Variants in TGFB2 observed in about 807,000 individuals in gnomAD.
TGFB2 encodes the protein transforming growth factor beta-2 proprotein.
TGFB2 carries 13 observed loss-of-function variants against 42.7 expected under a neutral mutation model. That is an observed-to-expected ratio of 0.30 (90% CI 0.20 to 0.48). TGFB2 has a LOEUF of 0.48. Ranked by LOEUF, TGFB2 falls within the 20% of genes least tolerant of loss-of-function variation. TGFB2 has a pLI of 0.99. For missense variants in TGFB2, 390 were observed against 517.5 expected (o/e 0.75, Z 2.39); for synonymous variants, 193 against 193.6 (o/e 1.00, Z 0.03).
intron 2 of TGFB2, among the ~76,000 whole-genome samples, chr1:218,425,335 G>C (rs968722405): frequency 6.6e-6 from 1 of 152,030 alleles, no homozygotes; most frequent in East Asian, 1.9e-4. Context: ...AGCCTCCCGA[G>C]TAGCTGGGAT....
chr1:218,373,750 A>C (rs1281786505), intron 1 of TGFB2, among the ~76,000 whole-genome samples: 1 of 152,206 alleles, frequency 6.6e-6, no homozygotes. Context: ...GAGAAGTCTA[A>C]AAAGGAGAAT....
chr1:218,390,798 C>A (rs542832739), intron 1 of TGFB2, among the ~76,000 whole-genome samples: 1 of 152,292 alleles, frequency 6.6e-6, no homozygotes, highest in Admixed American at 6.5e-5. Flanking sequence ...TGCCACAGTT[C>A]ATCTGGATTC....
At chr1:218,435,687 G>T (rs1659947359) in intron 4 of TGFB2, among the ~76,000 whole-genome samples, 1 of 152,170 alleles carries the variant, frequency 6.6e-6, no homozygotes. Flanking sequence ...TTGGACTATA[G>T]GTCAAAGACT....
intron 1 of TGFB2, among the ~76,000 whole-genome samples, chr1:218,392,222 G>A (rs547062098): frequency 9.9e-5 from 15 of 152,272 alleles, no homozygotes; most frequent in African/African-American, 1.9e-4. Flanking sequence ...GTATGGTGGC[G>A]GGTGCCTGCA....
intron 2 of TGFB2, among the ~76,000 whole-genome samples, chr1:218,406,649 C>G (rs148243244): frequency 7.2e-5 from 11 of 152,118 alleles, no homozygotes; most frequent in South Asian, 2.1e-4. Context: ...TTTGATGAGG[C>G]CTTGAGACGT....
At chr1:218,399,997 G>A (rs754888755) in intron 1 of TGFB2, among the ~76,000 whole-genome samples, 1 of 152,092 alleles carries the variant, frequency 6.6e-6, no homozygotes, top group Non-Finnish European at 1.5e-5. Flanking sequence ...TTATATAGAT[G>A]AAGAAACAGG....
chr1:218,435,029 G>T (rs1053827701), intron 4 of TGFB2, among the ~76,000 whole-genome samples: 1 of 152,106 alleles, frequency 6.6e-6, no homozygotes, highest in Non-Finnish European at 1.5e-5. Flanking sequence ...AAGTAAGTTG[G>T]ACAAAAGTCA....
At chr1:218,380,706 A>T (rs956254623) in intron 1 of TGFB2, among the ~76,000 whole-genome samples, 2 of 152,098 alleles carry the variant, frequency 1.3e-5, no homozygotes, top group African/African-American at 4.8e-5. Context: ...AAGAGCAGAG[A>T]TGAATAGAGT....
chr1:218,437,501 G>A lies in TGFB2; in HGVS notation c.1086+5G>A. 6.2e-7 allele frequency: 1 copy of A among 1,606,490 alleles called. No individual in the cohort carries two copies. On this transcript the variant is annotated splice_donor_5th_base_variant and intron_variant, in intron 6 of 6. Coordinates refer to ENST00000366930, the MANE Select transcript of TGFB2 (RefSeq NM_003238.6). ...TCAGACACTCAGCACAGCAGGGTGA[G>A]TGTTCAGCTTACCTGTTGCCTCTGT...
chr1:218,440,064 G>A (rs1660102757), intron 6 of TGFB2, among the ~76,000 whole-genome samples: 1 of 152,124 alleles, frequency 6.6e-6, no homozygotes, highest in Non-Finnish European at 1.5e-5. Context: ...ATTAGTAAAA[G>A]TCTCACACCC....
At chr1:218,372,138 CG>C (rs1453760806) in intron 1 of TGFB2, among the ~76,000 whole-genome samples, 1 of 151,920 alleles carries the variant, frequency 6.6e-6, no homozygotes, top group Non-Finnish European at 1.5e-5. Flanking sequence ...AGCCTGCTCT[CG>C]GGGTCAGTGG....
intron 1 of TGFB2, among the ~76,000 whole-genome samples, chr1:218,378,148 G>GATTTATTT (rs80153970): frequency 1.9e-4 from 28 of 148,390 alleles, no homozygotes; most frequent in African/African-American, 3.5e-4. Context: ...GCTAATTTTG[G>GATTTATTT]ATTTATTTAT....
chr1:218,354,348 A>G (rs1656964226), intron 1 of TGFB2, among the ~76,000 whole-genome samples: 1 of 152,224 alleles, frequency 6.6e-6, no homozygotes, highest in Non-Finnish European at 1.5e-5. Context: ...GCTAAAGAGC[A>G]CAGGGATTCT....
rs1294019988 is a variant in TGFB2, at chr1:218,443,733, GT to G, written c.*2373del. 2 of 147,650 alleles carry G rather than the reference GT, an allele frequency of 1.4e-5. No homozygotes were observed. The highest frequency in any genetic ancestry group is 1.4e-4 in the Admixed American group (2 of 14,796). 9.1% of individuals were successfully genotyped at this position (147,650 alleles called of 1,614,324 possible). A position where few individuals can be genotyped will look rare whatever the true frequency, so the allele number is the denominator to read the frequency against. Reference sequence around the variant, plus strand: ...TGTTTTTTTTTTTTTTAATTTGGGGGTTCTGTAAGGTCTTTATTTCCCATAA... The same window carrying G: ...TGTTTTTTTTTTTTTTAATTTGGGGGTCTGTAAGGTCTTTATTTCCCATAA... On this transcript the variant is annotated 3_prime_UTR_variant, in exon 7 of 7. Transcript: ENST00000366930.
intron 1 of TGFB2, among the ~76,000 whole-genome samples, chr1:218,388,805 A>G (rs923027695): frequency 1.3e-5 from 2 of 152,226 alleles, no homozygotes; most frequent in African/African-American, 4.8e-5. Flanking sequence ...ATGAAGAGAA[A>G]AATCGCTCTT....
chr1:218,440,965 A>G (rs755585811), intron 6 of TGFB2, among the ~76,000 whole-genome samples: 1 of 152,202 alleles, frequency 6.6e-6, no homozygotes, highest in Non-Finnish European at 1.5e-5. Context: ...TCTGACTCTT[A>G]CAGAATCATT....
rs553432793 is a variant in TGFB2 at position 218,444,514 on chromosome 1, C to T, written c.*3152C>T. ...TGCACCACAAACAAAAAAACCCACCCTATTTCCTCCAATTTTTTTGGCTGC... is the reference window on the plus strand; with the variant it reads ...TGCACCACAAACAAAAAAACCCACCTTATTTCCTCCAATTTTTTTGGCTGC... On this transcript the variant is annotated 3_prime_UTR_variant, in exon 7 of 7. Transcript: ENST00000366930. 6.6e-6 allele frequency: 1 copy of T among 152,268 alleles called. No individual in the cohort carries two copies. Among genetic ancestry groups the T allele is most frequent in the South Asian group, 2.1e-4 (1 of 4,824 alleles). The allele number at this position is 152,268 out of a possible 1,614,324, so 9.4% of individuals were successfully genotyped here.
At chr1:218,384,644 T>C (rs76670449) in intron 1 of TGFB2, among the ~76,000 whole-genome samples, 3,053 of 152,308 alleles carry the variant, frequency 0.02, 112 homozygotes, top group African/African-American at 0.068. Flanking sequence ...TTCTTGGCCC[T>C]GTACATATTG....
chr1:218,428,758 G>A (rs1317476955), intron 2 of TGFB2, among the ~76,000 whole-genome samples: 1 of 152,108 alleles, frequency 6.6e-6, no homozygotes, highest in Non-Finnish European at 1.5e-5. Context: ...ATAGTTTGAA[G>A]TCAGGTAGCA....
Sources: allele counts gnomAD v4.1 joint callset (sites outside exome capture counted in the v4.1 genomes callset), GRCh38; gene constraint gnomAD v4.1.1; transcripts MANE v1.5; gene names NCBI Gene and HGNC (gene_info 2026-07-23, HGNC 2026-07-21).